The following LUZP1 variants were observed in gnomAD, a reference collection of about 807,000 sequenced individuals.
LUZP1 encodes the protein filamin mechanobinding actin cross-linking protein.
LUZP1 carries 25 observed loss-of-function variants against 71.3 expected under a neutral mutation model. That is an observed-to-expected ratio of 0.35 (90% confidence interval 0.26 to 0.49). The LOEUF (loss-of-function observed/expected upper bound fraction) is 0.49, where lower values mean the gene tolerates loss of function less well. LUZP1 is among the 20% of genes least tolerant of loss of function. The pLI is 0.99. For synonymous variants in LUZP1, 481 were observed against 506.4 expected, an observed-to-expected ratio of 0.95 and a Z score of 0.67; for missense variants, 1,142 against 1,300.8, an observed-to-expected ratio of 0.88 and a Z score of 1.88.
intron 2 of LUZP1, among the ~76,000 whole-genome samples, chr1:23,155,386 T>C (rs2124739166): frequency 6.6e-6 from 1 of 152,198 alleles, no homozygotes; most frequent in East Asian, 1.9e-4. Flanking sequence ...GTTAAAACAA[T>C]GTAATGTTCA....
chr1:23,093,806 G>A lies in LUZP1; in HGVS notation c.456C>T (p.Ser152=), dbSNP rs1643877959. The stretch of plus-strand genomic sequence containing the variant: ...TGACTCTGAGCATTTCCAGCTCAGA[G>A]GAGATTTTCTTGGTCAGATTTCTCT... Residue 152 remains serine, a synonymous_variant, in exon 4 of 5, where the codon TCC becomes TCT. Transcript: ENST00000302291. The surrounding 1 kb of genome is among the most constrained non-coding windows in gnomAD (Gnocchi z 4.2). The A allele has an allele frequency of 1.2e-6, 2 of 1,613,856 alleles. No homozygotes were observed. Among genetic ancestry groups the A allele is most frequent in the African/African-American group, 2.7e-5 (2 of 74,902 alleles).
chr1:23,104,170 CTTTT>C (rs1366600350), intron 3 of LUZP1, among the ~76,000 whole-genome samples: 1 of 151,292 alleles, frequency 6.6e-6, no homozygotes, highest in Admixed American at 6.6e-5. Flanking sequence ...TGGTAAACAT[CTTTT>C]TTTCTTTTTC....
chr1:23,092,621 G>T, exon 4 of LUZP1: 1 of 1,614,210 alleles, frequency 6.2e-7, no homozygotes, highest in Non-Finnish European at 8.5e-7. Flanking sequence ...GACTTCCGTT[G>T]CCAAGCACGT....
At chr1:23,158,358 A>C (rs1644436415) in intron 2 of LUZP1, among the ~76,000 whole-genome samples, 2 of 152,322 alleles carry the variant, frequency 1.3e-5, no homozygotes, top group South Asian at 4.1e-4. Context: ...TTTCTTGTAA[A>C]AGATGGGTTA....
At chr1:23,178,084 C>G (rs1644593928), upstream of LUZP1, among the ~76,000 whole-genome samples, 12 of 152,192 alleles carry the variant, frequency 7.9e-5, no homozygotes, top group Admixed American at 7.9e-4. Flanking sequence ...GGGCATGATG[C>G]GACCCACTTA....
At chr1:23,159,365 C>T (rs372244112) in intron 2 of LUZP1, among the ~76,000 whole-genome samples, 1 of 151,976 alleles carries the variant, frequency 6.6e-6, no homozygotes, top group East Asian at 1.9e-4. Flanking sequence ...GATTACTGCT[C>T]CCCTCCCAAA....
intron 2 of LUZP1, among the ~76,000 whole-genome samples, chr1:23,149,575 G>C (rs1644367476): frequency 6.6e-6 from 1 of 152,170 alleles, no homozygotes; most frequent in Non-Finnish European, 1.5e-5. Flanking sequence ...TCTTTTGAAT[G>C]TGCATTTACA....
intron 3 of LUZP1, among the ~76,000 whole-genome samples, chr1:23,101,903 T>C (rs1402861668): frequency 1.3e-5 from 2 of 152,196 alleles, no homozygotes; most frequent in Non-Finnish European, 1.5e-5. Flanking sequence ...CCAAGATAAG[T>C]AGAAAATCTT....
intron 2 of LUZP1, among the ~76,000 whole-genome samples, chr1:23,151,539 A>C (rs1335329507): frequency 6.6e-6 from 1 of 152,194 alleles, no homozygotes; most frequent in Non-Finnish European, 1.5e-5. Context: ...TGGACTTTAA[A>C]GTCACTGACC....
chr1:23,139,043 T>TAC (rs1644282443), intron 2 of LUZP1, among the ~76,000 whole-genome samples: 1 of 124,600 alleles, frequency 8.0e-6, no homozygotes, highest in Admixed American at 8.9e-5. Flanking sequence ...TATATATATA[T>TAC]ATACACACAT....
chr1:23,094,423 A>G lies in LUZP1; in HGVS notation c.-119-43T>C, dbSNP rs1370362309. ...AAAGCATGTCAGTCAGCAAATGTAAAACCTGCACGTTAGCTCCCAGTTATA... is the reference window on the plus strand; with the variant it reads ...AAAGCATGTCAGTCAGCAAATGTAAGACCTGCACGTTAGCTCCCAGTTATA... On this transcript the variant is annotated intron_variant, in intron 3 of 4. Transcript: ENST00000302291. This position sits in a 1 kb window ranked among gnomAD's most constrained non-coding sequence, Gnocchi z 4.7. 1.5e-6 allele frequency: 2 copies of G among 1,365,554 alleles called. No individual in the cohort carries two copies. Among genetic ancestry groups the G allele is most frequent in the Non-Finnish European group, 1.9e-6 (2 of 1,054,000 alleles). 84.6% of individuals were successfully genotyped at this position (1,365,554 alleles called of 1,614,324 possible).
intron 3 of LUZP1, among the ~76,000 whole-genome samples, chr1:23,104,582 C>G (rs1643964519): frequency 6.6e-6 from 1 of 152,264 alleles, no homozygotes; most frequent in Non-Finnish European, 1.5e-5. Context: ...GTAGATGCTT[C>G]TATCACTATA....
At chr1:23,127,890 T>C (rs1644184628) in intron 2 of LUZP1, among the ~76,000 whole-genome samples, 1 of 150,398 alleles carries the variant, frequency 6.6e-6, no homozygotes, top group Admixed American at 6.6e-5. Context: ...CCCAGTACTT[T>C]GGGAGGCCGA....
At chr1:23,153,443 T>A (rs1307493332) in intron 2 of LUZP1, among the ~76,000 whole-genome samples, 2 of 152,220 alleles carry the variant, frequency 1.3e-5, no homozygotes, top group Non-Finnish European at 2.9e-5. Flanking sequence ...CTAGTCTAAC[T>A]GCCTGCATGA....
At chr1:23,171,677 G>C (rs569912105) in intron 1 of LUZP1, among the ~76,000 whole-genome samples, 10 of 152,258 alleles carry the variant, frequency 6.6e-5, no homozygotes, top group African/African-American at 2.4e-4. Context: ...GGTCTTCAAA[G>C]GCCTCTAATA....
At chr1:23,169,593 A>G (rs1429762017) in intron 1 of LUZP1, among the ~76,000 whole-genome samples, 1 of 152,144 alleles carries the variant, frequency 6.6e-6, no homozygotes, top group East Asian at 1.9e-4. Context: ...CCCGATTTTC[A>G]TCTTCTTTAA....
chr1:23,117,454 C>CCTCTCTCTCTCTCTCTCTCTCT (rs1185318512), intron 2 of LUZP1, among the ~76,000 whole-genome samples: 4 of 13,362 alleles, frequency 3.0e-4, no homozygotes, highest in African/African-American at 1.3e-3. Flanking sequence ...TTTTTTTTTT[C>CCTCTCTCTCTCTCTCTCTCTCT]CTCTCTCTCT....
At position 23,128,202 on chromosome 1, in the gene LUZP1, T is replaced by C. The variant is rs145366717; in HGVS notation, c.-225-19075A>G. ...TTTTAATTTTTAAAAAAGTGGAAAA[T>C]ACAAGTTTCTCAGTTAAAAAAAAAA... is the stretch of plus-strand genomic sequence containing the variant. On this transcript the variant is annotated intron_variant, in intron 2 of 4. Coordinates refer to ENST00000302291, the Ensembl canonical transcript of LUZP1. 1.3e-3 allele frequency among the ~76,000 whole-genome samples: 190 copies of C among 151,890 alleles called. 1 individual carries two copies. The highest frequency in any genetic ancestry group is 4.3e-3 in the African/African-American group (178 of 41,406).
At chr1:23,175,230 C>G (rs532070487) in intron 1 of LUZP1, among the ~76,000 whole-genome samples, 25 of 152,206 alleles carry the variant, frequency 1.6e-4, no homozygotes, top group African/African-American at 5.8e-4. Flanking sequence ...GGACTGTATT[C>G]CAAAGCAAAT....
Sources: gnomAD v4.1 joint callset for allele counts (sites outside exome capture counted in the v4.1 genomes callset) on GRCh38, gnomAD v4.1.1 for gene constraint, Gnocchi (gnomAD v3.1) non-coding constraint, MANE v1.5 for transcripts, NCBI Gene and HGNC (gene_info 2026-07-23, HGNC 2026-07-21) for gene names.